Variants in EIF3M observed in about 807,000 individuals in gnomAD.
EIF3M encodes B5 receptor.
In EIF3M, 25 loss-of-function variants were observed where a neutral mutation model predicts 49.7. The observed-to-expected ratio is 0.50, with a 90% CI of 0.37 to 0.70. The LOEUF is 0.70. Ranked by LOEUF, EIF3M falls within the 30% of genes least tolerant of loss-of-function variation. The pLI is 0.00. For missense variants in EIF3M, 350 were observed against 440.0 expected, an observed-to-expected ratio of 0.80 and a Z score of 1.83; for synonymous variants, 156 against 149.8, an observed-to-expected ratio of 1.04 and a Z score of -0.30.
intron 8 of EIF3M, among the ~76,000 whole-genome samples, chr11:32,598,125 G>C (rs1362654947): frequency 2.0e-5 from 3 of 152,130 alleles, no homozygotes; most frequent in Non-Finnish European, 4.4e-5. Flanking sequence ...GAATGTTAAT[G>C]TCAGCAACCT....
At chr11:32,588,388 GAA>G (rs71463359) in intron 2 of EIF3M, among the ~76,000 whole-genome samples, 6,556 of 92,274 alleles carry the variant, frequency 0.071, 107 homozygotes, top group East Asian at 0.12. Flanking sequence ...GACTTCATCT[GAA>G]AAAAAAAAAA....
chr11:32,601,598 T>C, intron 9 of EIF3M, 164 bp from the exon 10 acceptor site: 1 of 563,768 alleles, frequency 1.8e-6, no homozygotes, highest in Non-Finnish European at 3.1e-6. Flanking sequence ...ATGACCTTTC[T>C]TTTGGTTGCC....
At chr11:32,599,297 G>A (rs548165281) in intron 8 of EIF3M, among the ~76,000 whole-genome samples, 2 of 151,964 alleles carry the variant, frequency 1.3e-5, no homozygotes, top group Non-Finnish European at 2.9e-5. Flanking sequence ...TGCACTAATT[G>A]ATTTCTTGGC....
At position 32,602,734 on chromosome 11, in the gene EIF3M, AAC is replaced by A. The variant is rs1435025628; in HGVS notation, c.*337_*338del. On this transcript the variant is annotated 3_prime_UTR_variant, in exon 11 of 11. Transcript: ENST00000531120. ...AGACAAACTGTAGAGCTTTAAATAC[AAC>A]AGTCATTTTATTCTAGTAAAAACTA... The A allele has an allele frequency of 9.8e-6, 11 of 1,123,220 alleles. No homozygotes were observed. The highest frequency in any genetic ancestry group is 1.6e-5 in the African/African-American group (1 of 63,330). The allele number at this position is 1,123,220 out of a possible 1,614,324, so 69.6% of individuals were successfully genotyped here. A position where few individuals can be genotyped will look rare whatever the true frequency, so the allele number is the denominator to read the frequency against.
intron 8 of EIF3M, among the ~76,000 whole-genome samples, chr11:32,599,339 A>G (rs1855226956): frequency 6.6e-6 from 1 of 151,960 alleles, no homozygotes; most frequent in East Asian, 1.9e-4. Context: ...CCAGTTAGCA[A>G]TACTTCCTTG....
intron 6 of EIF3M, 159 bp downstream of exon 6, chr11:32,594,108 A>G: frequency 2.3e-6 from 1 of 427,532 alleles, no homozygotes; most frequent in Non-Finnish European, 4.0e-6. Context: ...ACTAAAATTC[A>G]AGGTTTGATA....
At chr11:32,595,082 C>T in intron 7 of EIF3M, 69 bp downstream of exon 7, 1 of 1,383,308 alleles carries the variant, frequency 7.2e-7, no homozygotes, top group Non-Finnish European at 1.0e-6. Context: ...AAGCAGGACT[C>T]TTTTTCTTTG....
chr11:32,602,520 C>T lies in EIF3M; in HGVS notation c.*121C>T, dbSNP rs1330432051. 5.0e-6 allele frequency: 6 copies of T among 1,192,452 alleles called. No individual in the cohort carries two copies. The highest frequency in any genetic ancestry group is 6.9e-6 in the Non-Finnish European group (6 of 873,562). The allele number at this position is 1,192,452 out of a possible 1,614,324, so 73.9% of individuals were successfully genotyped here. A position where few individuals can be genotyped will look rare whatever the true frequency, so the allele number is the denominator to read the frequency against. ...TTGTCTCAAATTTATACTAAAATCA[C>T]AAACTCCAGAGGATATGAAGTAATA... On this transcript the variant is annotated 3_prime_UTR_variant, in exon 11 of 11. Coordinates refer to ENST00000531120, the MANE Select transcript of EIF3M (RefSeq NM_006360.6).
chr11:32,593,931 C>T lies in EIF3M; in HGVS notation c.599C>T (p.Ala200Val). The T allele has an allele frequency of 1.3e-6, 2 of 1,549,720 alleles. No individual in the cohort carries two copies. Among genetic ancestry groups the T allele is most frequent in the East Asian group, 2.4e-5 (1 of 41,452 alleles). The change falls in exon 6 of 11, where the codon GCT (alanine) becomes GTT (valine). Residue 200 changes from alanine to valine, a missense_variant. Ala to Val is a moderately conservative substitution (Grantham distance 64). Transcript: ENST00000531120. ...TACACAGAGGACAATGCTTCCCAGG[C>T]TCGAGTTGATGCCCACAGGTAATGT... ...GSYTEDNASQ[A>V]RVDAHRCIVR...
chr11:32,594,872 G>C, intron 6 of EIF3M, 42 bp from the exon 7 acceptor site: 1 of 1,559,092 alleles, frequency 6.4e-7, no homozygotes, highest in South Asian at 1.2e-5. Flanking sequence ...GAAAAGCCAG[G>C]ATTTCAAAAC....
In EIF3M at chr11:32,601,993, T is replaced by G. The variant is rs1021944592; in HGVS notation, c.1004+171T>G. On this transcript the variant is annotated intron_variant, in intron 10 of 10. Coordinates refer to ENST00000531120, the MANE Select transcript of EIF3M (RefSeq NM_006360.6). ...GACTGAATGTGATTAGCTTATTTAATGAAAGAGTCCTATTTTCCAGCACAT... is the reference window on the plus strand; with the variant it reads ...GACTGAATGTGATTAGCTTATTTAAGGAAAGAGTCCTATTTTCCAGCACAT... The G allele has an allele frequency of 4.7e-6, 4 of 856,752 alleles. No individual in the cohort carries two copies. The African/African-American group carries it at 6.9e-5, about 15-fold the overall frequency. The allele number at this position is 856,752 out of a possible 1,614,324, so 53.1% of individuals were successfully genotyped here.
intron 1 of EIF3M, chr11:32,584,187 T>C: frequency 1.8e-6 from 1 of 566,018 alleles, no homozygotes; most frequent in Non-Finnish European, 3.2e-6. Context: ...TCTGACGACA[T>C]AGTACTTTTA....
chr11:32,602,466 T>G lies in EIF3M; in HGVS notation c.*67T>G. The G allele has an allele frequency of 6.5e-7, 1 of 1,544,152 alleles. No individual in the cohort carries two copies. Among genetic ancestry groups the G allele is most frequent in the South Asian group, 1.3e-5 (1 of 79,762 alleles). ...TAAATCATAGTAAAACATTATAAAC[T>G]AAAAAAATTTGCCTAGTCTGGACAG... is the stretch of plus-strand genomic sequence containing the variant. On this transcript the variant is annotated 3_prime_UTR_variant, in exon 11 of 11. Transcript: ENST00000531120.
rs1048928210 is a variant in EIF3M at position 32,603,603 on chromosome 11, G to A, written c.*1204G>A. On this transcript the variant is annotated 3_prime_UTR_variant, in exon 11 of 11. Transcript: ENST00000531120. ...ATTTTCCTCTGTGAGCAGTTTCTTAGGTCATTAAAAACAATTGTCTATGGC... is the reference window on the plus strand; with the variant it reads ...ATTTTCCTCTGTGAGCAGTTTCTTAAGTCATTAAAAACAATTGTCTATGGC... 1.3e-5 allele frequency: 2 copies of A among 151,944 alleles called. No homozygotes were observed. The highest frequency in any genetic ancestry group is 1.3e-4 in the Admixed American group (2 of 15,250). 9.4% of individuals were successfully genotyped at this position (151,944 alleles called of 1,614,324 possible).
At position 32,588,074 on chromosome 11, in the gene EIF3M, C is replaced by T. The variant is rs956448351; in HGVS notation, c.176-520C>T. Among the ~76,000 whole-genome samples, 7 of 152,182 alleles carry T rather than the reference C, an allele frequency of 4.6e-5. No homozygotes were observed. The South Asian group carries it at 1.5e-3, about 32-fold the overall frequency. ...ATTGAAACTTTATATACATGTAAAT[C>T]AGTCTCTGTTTTACTAGTTAGAAAC... On this transcript the variant is annotated intron_variant, in intron 2 of 10. Transcript: ENST00000531120.
intron 3 of EIF3M, 65 bp downstream of exon 3, chr11:32,588,797 TG>T (rs1377075732): frequency 6.2e-7 from 1 of 1,605,344 alleles, no homozygotes. Context: ...TAACTTTTAA[TG>T]GTGCAGAGCA....
rs533298054 is a variant in EIF3M at position 32,591,155 on chromosome 11, G to A, written c.533+1514G>A. Among the ~76,000 whole-genome samples, 32 of 152,222 alleles carry A rather than the reference G, an allele frequency of 2.1e-4. 1 individual carries two copies. The highest frequency in any genetic ancestry group is 2.0e-3 in the Admixed American group (30 of 15,290). On this transcript the variant is annotated intron_variant, in intron 5 of 10. Transcript: ENST00000531120. ...TGAGCCACCGCACCAGGCCTGTTGT[G>A]CATTTTAAAGGGTGTTACTGGTAAC...
chr11:32,592,258 C>T (rs748198040), intron 5 of EIF3M: 3 of 437,316 alleles, frequency 6.9e-6, no homozygotes, highest in South Asian at 1.9e-5. Flanking sequence ...GCCCTTTTCA[C>T]TTCACTAACG....
At chr11:32,587,236 G>A (rs975664505) in intron 2 of EIF3M, 92 bp downstream of exon 2, 2 of 1,295,238 alleles carry the variant, frequency 1.5e-6, no homozygotes, top group African/African-American at 3.0e-5. Context: ...TCTGAGGCAA[G>A]GAGGATTTGG....
Sources: allele counts gnomAD v4.1 joint callset (sites outside exome capture counted in the v4.1 genomes callset), GRCh38; gene constraint gnomAD v4.1.1; transcripts MANE v1.5; gene names NCBI Gene and HGNC (gene_info 2026-07-23, HGNC 2026-07-21).